CD226: variants seen among roughly 807,000 people sequenced by gnomAD.
CD226 encodes CD226 molecule.
A neutral mutation model predicts 34.9 loss-of-function variants in CD226; 24 were observed. That is an observed-to-expected ratio of 0.69 (90% CI 0.50 to 0.97). CD226 has a LOEUF of 0.97. Ranked by LOEUF, CD226 falls within the 50% of genes least tolerant of loss-of-function variation. The pLI, the probability that CD226 is intolerant of heterozygous loss-of-function variation, is 0.00. For synonymous variants in CD226, 148 were observed against 147.4 expected (o/e 1.00, Z -0.03); for missense variants, 397 against 412.7 (o/e 0.96, Z 0.33).
At position 69,879,690 on chromosome 18, in the gene CD226, C is replaced by T. The variant is rs191134931; in HGVS notation, c.728-6444G>A. Among the ~76,000 whole-genome samples the T allele has an allele frequency of 4.1e-4, 63 of 152,238 alleles. No individual in the cohort carries two copies. In the East Asian group the frequency reaches 0.01, roughly 25 times the overall value. On this transcript the variant is annotated intron_variant, in intron 3 of 5. Transcript: ENST00000582621. ...ATACATCCTCAGCTTACGAAGATGACGGGATTAAGAGATTAAAGTAAAGAC... is the reference window on the plus strand; with the variant it reads ...ATACATCCTCAGCTTACGAAGATGATGGGATTAAGAGATTAAAGTAAAGAC...
At chr18:69,871,366 G>C (rs980917488) in intron 4 of CD226, among the ~76,000 whole-genome samples, 2 of 152,192 alleles carry the variant, frequency 1.3e-5, no homozygotes, top group African/African-American at 4.8e-5. Context: ...CTGACCTCCT[G>C]TTTTAGTTTA....
At position 69,855,997 on chromosome 18, in the gene CD226, CA is replaced by C. The variant is rs1299381462; in HGVS notation, c.*8316del. ...AATATATACAACTCCTATATATCTA[CA>C]ACATTTTTAAGTAAGAAAAGTGGGG... On this transcript the variant is annotated 3_prime_UTR_variant, in exon 6 of 6. Coordinates refer to ENST00000582621, the MANE Select transcript of CD226 (RefSeq NM_001303618.2). 1 of 152,000 alleles carries C rather than the reference CA, an allele frequency of 6.6e-6. No individual in the cohort carries two copies. The highest frequency in any genetic ancestry group is 1.5e-5 in the Non-Finnish European group (1 of 67,966). 9.4% of individuals were successfully genotyped at this position (152,000 alleles called of 1,614,324 possible).
intron 4 of CD226, among the ~76,000 whole-genome samples, chr18:69,869,808 T>C (rs979405238): frequency 2.1e-5 from 3 of 146,208 alleles, no homozygotes; most frequent in East Asian, 2.0e-4. Flanking sequence ...TCTTTTTTTT[T>C]TTTTTTTTTT....
intron 4 of CD226, among the ~76,000 whole-genome samples, chr18:69,868,269 C>G (rs1983271852): frequency 6.6e-6 from 1 of 152,112 alleles, no homozygotes; most frequent in South Asian, 2.1e-4. Flanking sequence ...GGAAAAGATT[C>G]TTATTGAACA....
At chr18:69,888,061 AT>A (rs1172955936) in intron 3 of CD226, among the ~76,000 whole-genome samples, 1 of 152,214 alleles carries the variant, frequency 6.6e-6, no homozygotes, top group African/African-American at 2.4e-5. Flanking sequence ...ATCAGGATCC[AT>A]GTCAATAATG....
intron 3 of CD226, among the ~76,000 whole-genome samples, chr18:69,876,698 C>T (rs1330732114): frequency 2.0e-5 from 3 of 152,130 alleles, no homozygotes; most frequent in Non-Finnish European, 2.9e-5. Flanking sequence ...CAGTAACAGG[C>T]ACCAGCTGAG....
rs184140733 is a variant in CD226, at chr18:69,947,246, C to T, written c.46+115G>A. On this transcript the variant is annotated intron_variant, in intron 1 of 5. Coordinates refer to ENST00000582621, the MANE Select transcript of CD226 (RefSeq NM_001303618.2). ...AAATGTAACTTTTAGTTTTTCTGAA[C>T]AAGTGAGAAATTATCCTAGCCAACT... The T allele has an allele frequency of 7.7e-5, 72 of 938,786 alleles. No homozygotes were observed. The Middle Eastern group carries it at 2.4e-3, about 31-fold the overall frequency. 58.2% of individuals were successfully genotyped at this position (938,786 alleles called of 1,614,324 possible).
At chr18:69,900,305 G>A (rs980902017) in intron 2 of CD226, among the ~76,000 whole-genome samples, 4 of 151,612 alleles carry the variant, frequency 2.6e-5, no homozygotes, top group Non-Finnish European at 4.4e-5. Flanking sequence ...AGGAGGGAGA[G>A]AAGCAGAAAA....
At chr18:69,904,778 T>C (rs567697597) in intron 2 of CD226, among the ~76,000 whole-genome samples, 3 of 152,276 alleles carry the variant, frequency 2.0e-5, no homozygotes, top group African/African-American at 4.8e-5. Flanking sequence ...CCCAAGAGCA[T>C]TGGTCTGTTT....
chr18:69,952,159 G>T (rs1208573456), upstream of CD226, among the ~76,000 whole-genome samples: 1 of 152,106 alleles, frequency 6.6e-6, no homozygotes, highest in African/African-American at 2.4e-5. Flanking sequence ...TATATTAAAT[G>T]AAACAACTCA....
At chr18:69,917,251 A>G (rs1292414677) in intron 2 of CD226, among the ~76,000 whole-genome samples, 1 of 152,210 alleles carries the variant, frequency 6.6e-6, no homozygotes, top group Non-Finnish European at 1.5e-5. Flanking sequence ...CTAAGGCCTA[A>G]TAGAAGTAGT....
At chr18:69,899,480 A>G (rs1189962787) in intron 2 of CD226, among the ~76,000 whole-genome samples, 1 of 152,230 alleles carries the variant, frequency 6.6e-6, no homozygotes, top group African/African-American at 2.4e-5. Flanking sequence ...TATTTTTTGG[A>G]TAAAAAATTT....
intron 5 of CD226, among the ~76,000 whole-genome samples, chr18:69,866,094 C>T (rs1360829587): frequency 6.6e-6 from 1 of 152,186 alleles, no homozygotes. Context: ...AGTATCCTCA[C>T]ATTGCAAAGA....
intron 2 of CD226, among the ~76,000 whole-genome samples, chr18:69,929,081 T>C (rs1003048114): frequency 2.6e-5 from 4 of 152,090 alleles, no homozygotes; most frequent in African/African-American, 4.8e-5. Flanking sequence ...GGTATTACAA[T>C]AGGGAAGAGT....
At chr18:69,958,159 T>C (rs980886697), upstream of CD226, among the ~76,000 whole-genome samples, 2 of 152,188 alleles carry the variant, frequency 1.3e-5, no homozygotes, top group Non-Finnish European at 2.9e-5. Context: ...ACTGAAATAC[T>C]TGCCACATCC....
intron 2 of CD226, among the ~76,000 whole-genome samples, chr18:69,912,604 T>C (rs1223390934): frequency 6.6e-6 from 1 of 152,226 alleles, no homozygotes; most frequent in East Asian, 1.9e-4. Flanking sequence ...TCTGATTTGC[T>C]CAGGGATTTG....
At chr18:69,904,153 T>C (rs2055221685) in intron 2 of CD226, among the ~76,000 whole-genome samples, 1 of 151,886 alleles carries the variant, frequency 6.6e-6, no homozygotes, top group South Asian at 2.1e-4. Flanking sequence ...AATAAAGAGA[T>C]AAAAACACAA....
intron 4 of CD226, among the ~76,000 whole-genome samples, chr18:69,869,805 T>C (rs916376848): frequency 6.9e-5 from 10 of 145,152 alleles, no homozygotes; most frequent in South Asian, 6.8e-4. Flanking sequence ...TTTTCTTTTT[T>C]TTTTTTTTTT....
At chr18:69,932,509 T>TAA (rs1427787984) in intron 2 of CD226, among the ~76,000 whole-genome samples, 1 of 152,148 alleles carries the variant, frequency 6.6e-6, no homozygotes, top group Non-Finnish European at 1.5e-5. Flanking sequence ...TTATCACCAC[T>TAA]ATCCACCCCT....
Sources: gnomAD v4.1 joint callset for allele counts (sites outside exome capture counted in the v4.1 genomes callset) on GRCh38, gnomAD v4.1.1 for gene constraint, MANE v1.5 for transcripts, NCBI Gene and HGNC (gene_info 2026-07-23, HGNC 2026-07-21) for gene names.